Variants in CERS5 observed in about 807,000 individuals in gnomAD.
CERS5 encodes ceramide synthase 5, also known as LAG1 homolog, ceramide synthase 5.
In CERS5, 37 loss-of-function variants were observed where a neutral mutation model predicts 58.9. The ratio of observed to expected loss-of-function variants is 0.63; its 90% CI spans 0.48 to 0.83. The LOEUF (loss-of-function observed/expected upper bound fraction) is 0.83, where lower values mean the gene tolerates loss of function less well. Ranked by LOEUF, CERS5 falls within the 40% of genes least tolerant of loss-of-function variation. The pLI is 0.00. For missense variants in CERS5, 398 were observed against 489.3 expected (o/e 0.81, Z 1.76); for synonymous variants, 147 against 177.8 (o/e 0.83, Z 1.38).
chr12:50,136,042 A>G lies in CERS5; in HGVS notation c.664T>C (p.Leu222=), dbSNP rs1297980250. ...KDFLIMFVHH[L]VTIGLISFSY... ...AAGGAGATAAGCCCAATGGTGACCAAGTGATGCACAAACATGATCAGGAAG... is the reference window on the plus strand; with the variant it reads ...AAGGAGATAAGCCCAATGGTGACCAGGTGATGCACAAACATGATCAGGAAG... Residue 222 remains leucine (L), a synonymous_variant, in exon 7 of 10, where the codon TTG becomes CTG. Coordinates refer to ENST00000317551, the MANE Select transcript of CERS5 (RefSeq NM_147190.5). The G allele has an allele frequency of 2.0e-6, 3 of 1,504,608 alleles. No homozygotes were observed. The African/African-American group carries it at 4.2e-5, about 21-fold the overall frequency. 93.2% of individuals were successfully genotyped at this position (1,504,608 alleles called of 1,614,324 possible).
intron 6 of CERS5, among the ~76,000 whole-genome samples, chr12:50,136,785 C>T (rs1352914463): frequency 6.6e-6 from 1 of 152,154 alleles, no homozygotes; most frequent in Admixed American, 6.5e-5. Flanking sequence ...CTAATTTCCT[C>T]TTGGGTTCAA....
intron 1 of CERS5, chr12:50,166,237 C>A (rs1432924003): frequency 1.1e-5 from 2 of 175,818 alleles, no homozygotes; most frequent in Non-Finnish European, 2.4e-5. Context: ...GCAGGAGAAT[C>A]GCTTCAACAG....
chr12:50,143,284 G>T, intron 2 of CERS5, 80 bp from the exon 3 acceptor site: 3 of 1,518,650 alleles, frequency 2.0e-6, no homozygotes, highest in South Asian at 1.2e-5. Flanking sequence ...GAGCGACAAG[G>T]TATGATAGCC....
chr12:50,137,337 C>CAGAG (rs1490266953), intron 6 of CERS5, among the ~76,000 whole-genome samples: 1 of 152,044 alleles, frequency 6.6e-6, no homozygotes, highest in Non-Finnish European at 1.5e-5. Flanking sequence ...AAAGGGAGAA[C>CAGAG]AGAGAGAGCA....
rs1430219456 is a variant in CERS5, at chr12:50,129,906, C to T, written c.*639G>A. On this transcript the variant is annotated 3_prime_UTR_variant, in exon 10 of 10. Transcript: ENST00000317551. ...CCTCAGCTCACCCTCTTCCCATGCT[C>T]CCTCCCTGGGTACCATTGAGTAAAG... 1 of 152,308 alleles carries T rather than the reference C, an allele frequency of 6.6e-6. No individual in the cohort carries two copies. The highest frequency in any genetic ancestry group is 2.4e-5 in the African/African-American group (1 of 41,434). The allele number at this position is 152,308 out of a possible 1,614,324, so 9.4% of individuals were successfully genotyped here.
At chr12:50,143,380 C>T (rs1952084635) in intron 2 of CERS5, 176 bp from the exon 3 acceptor site, 1 of 638,464 alleles carries the variant, frequency 1.6e-6, no homozygotes, top group Non-Finnish European at 2.7e-6. Context: ...TATCAAGGAC[C>T]TGTACTGCTC....
chr12:50,131,558 C>CAA (rs752634104), intron 9 of CERS5, among the ~76,000 whole-genome samples: 14 of 69,746 alleles, frequency 2.0e-4, no homozygotes, highest in East Asian at 5.8e-4. Flanking sequence ...GACTCCATCT[C>CAA]AAAAAAAAAA....
rs201562974 is a variant in CERS5 at position 50,144,077 on chromosome 12, C to T, written c.198-20G>A. ...ATAAATCTGTAATGGAGAAAACCCACGGGCCAATTCTTTTTAAAAAAATTT... is the reference window on the plus strand; with the variant it reads ...ATAAATCTGTAATGGAGAAAACCCATGGGCCAATTCTTTTTAAAAAAATTT... On this transcript the variant is annotated intron_variant, in intron 1 of 9. Transcript: ENST00000317551. The T allele has an allele frequency of 4.3e-3, 6,105 of 1,420,260 alleles. 20 individuals carry two copies. Among genetic ancestry groups the T allele is most frequent in the Middle Eastern group, 8.9e-3 (50 of 5,622 alleles). 88.0% of individuals were successfully genotyped at this position (1,420,260 alleles called of 1,614,324 possible).
chr12:50,155,825 G>A lies in CERS5; in HGVS notation c.197+11276C>T, dbSNP rs555326646. 4.6e-5 allele frequency among the ~76,000 whole-genome samples: 7 copies of A among 150,972 alleles called. No individual in the cohort carries two copies. The East Asian group carries it at 1.4e-3, about 30-fold the overall frequency. The stretch of plus-strand genomic sequence containing the variant: ...CAAAAAATATAACAATTAGTGGCCG[G>A]GCATGGTGGCTCACGCCTGTAATCC... On this transcript the variant is annotated intron_variant, in intron 1 of 9. Coordinates refer to ENST00000317551, the MANE Select transcript of CERS5 (RefSeq NM_147190.5).
chr12:50,130,164 A>G lies in CERS5; in HGVS notation c.*381T>C, dbSNP rs7279. 118,528 of 167,750 alleles carry G rather than the reference A, an allele frequency of 0.71. 43,241 individuals carry two copies. Among genetic ancestry groups the G allele is most frequent in the East Asian group, 0.92 (5,367 of 5,844 alleles). 10.4% of individuals were successfully genotyped at this position (167,750 alleles called of 1,614,324 possible). A position where few individuals can be genotyped will look rare whatever the true frequency, so the allele number is the denominator to read the frequency against. On this transcript the variant is annotated 3_prime_UTR_variant, in exon 10 of 10. Coordinates refer to ENST00000317551, the MANE Select transcript of CERS5 (RefSeq NM_147190.5). ...GTGTCAAGAGCCAAGGGCAAAAAAGAAGGAGAAGTCTGGAGTTGGCATAAT... is the reference window on the plus strand; with the variant it reads ...GTGTCAAGAGCCAAGGGCAAAAAAGGAGGAGAAGTCTGGAGTTGGCATAAT...
At chr12:50,152,462 T>C (rs1467565098) in intron 1 of CERS5, among the ~76,000 whole-genome samples, 1 of 152,240 alleles carries the variant, frequency 6.6e-6, no homozygotes, top group East Asian at 1.9e-4. Flanking sequence ...TATTCTGTGA[T>C]TGGGCACAGT....
intron 1 of CERS5, among the ~76,000 whole-genome samples, chr12:50,152,871 A>G (rs1462478718): frequency 6.6e-6 from 1 of 151,978 alleles, no homozygotes; most frequent in African/African-American, 2.4e-5. Context: ...GGAGTTTGAG[A>G]CCAGCCTGGC....
intron 1 of CERS5, among the ~76,000 whole-genome samples, chr12:50,149,303 C>T (rs1470404464): frequency 6.6e-6 from 1 of 152,160 alleles, no homozygotes; most frequent in African/African-American, 2.4e-5. Context: ...GAAGCTACTA[C>T]TTTCCACCTG....
intron 9 of CERS5, 99 bp downstream of exon 9, chr12:50,134,447 T>G (rs776617585): frequency 6.2e-6 from 10 of 1,609,274 alleles, no homozygotes; most frequent in Non-Finnish European, 8.5e-6. Context: ...TTGGCCTGCT[T>G]GAGTAGATGG....
At chr12:50,149,828 C>A (rs1216581116) in intron 1 of CERS5, among the ~76,000 whole-genome samples, 1 of 152,182 alleles carries the variant, frequency 6.6e-6, no homozygotes, top group African/African-American at 2.4e-5. Context: ...CAACCTCCGC[C>A]TCCCAGGTTC....
rs751758435 is a variant in CERS5 at position 50,143,978 on chromosome 12, C to G, written c.277G>C (p.Glu93Gln). Residue 93 changes from glutamate to glutamine, a missense_variant, in exon 2 of 10, where the codon GAA becomes CAA. Transcript: ENST00000317551. ...TTGGTAATAGATATGAACACCTTTT[C>G]AAGGATGGCATTGGGTTGGGCCTGA... Reference protein sequence around the residue: ...PYQAQPNAILEKVFISITKYP... With the variant: ...PYQAQPNAILQKVFISITKYP... 1.9e-6 allele frequency: 3 copies of G among 1,610,488 alleles called. No individual in the cohort carries two copies. The highest frequency in any genetic ancestry group is 2.5e-6 in the Non-Finnish European group (3 of 1,176,806).
intron 1 of CERS5, among the ~76,000 whole-genome samples, chr12:50,150,981 C>T (rs1937895348): frequency 6.6e-6 from 1 of 152,166 alleles, no homozygotes. Flanking sequence ...GCTTTAGACC[C>T]ACTCTTTACT....
At chr12:50,166,539 C>A (rs1455348768) in intron 1 of CERS5, among the ~76,000 whole-genome samples, 1 of 152,148 alleles carries the variant, frequency 6.6e-6, no homozygotes. Context: ...TACCCTCCTA[C>A]CAACAAACGT....
chr12:50,139,485 AAAAACAAAAC>A (rs777426596), intron 4 of CERS5, among the ~76,000 whole-genome samples: 13 of 151,658 alleles, frequency 8.6e-5, no homozygotes, highest in African/African-American at 1.5e-4. Flanking sequence ...CCTGTCTTTA[AAAAACAAAAC>A]AAAACAAAAC....
Sources: gnomAD v4.1 joint callset for allele counts (sites outside exome capture counted in the v4.1 genomes callset) on GRCh38, gnomAD v4.1.1 for gene constraint, MANE v1.5 for transcripts, NCBI Gene and HGNC (gene_info 2026-07-23, HGNC 2026-07-21) for gene names.